The following ASAP1 variants were observed in gnomAD, a reference collection of about 807,000 sequenced individuals.
The protein encoded by ASAP1 is ArfGAP with SH3 domain, ankyrin repeat and PH domain 1, also known as arf-GAP with SH3 domain, ANK repeat and PH domain-containing protein 1.
A neutral mutation model predicts 145.2 loss-of-function variants in ASAP1; 43 were observed. The observed-to-expected ratio is 0.30, with a 90% CI of 0.23 to 0.38. The LOEUF (loss-of-function observed/expected upper bound fraction) is 0.38. ASAP1 is among the 10% of genes least tolerant of loss of function. The probability of loss-of-function intolerance (pLI) is 1.00; values close to 1 mark genes in which losing one functional copy is unlikely to be tolerated. For missense variants in ASAP1, 1,018 were observed against 1,355.3 expected (o/e 0.75, Z 3.91); for synonymous variants, 546 against 515.5 (o/e 1.06, Z -0.80).
intron 1 of ASAP1, among the ~76,000 whole-genome samples, chr8:130,437,531 C>T (rs1467430440): frequency 6.6e-6 from 1 of 152,210 alleles, no homozygotes; most frequent in Non-Finnish European, 1.5e-5. Flanking sequence ...TCCTGCATCC[C>T]CCAAGGTCTC....
chr8:130,113,563 C>T (rs2097550007), intron 23 of ASAP1, among the ~76,000 whole-genome samples: 3 of 152,150 alleles, frequency 2.0e-5, no homozygotes. Context: ...TACATCCTGC[C>T]TGTGATACAG....
rs1826557600 is a variant in ASAP1, at chr8:130,358,985, T to C, written c.60-842A>G. Among the ~76,000 whole-genome samples, 1 of 152,034 alleles carries C rather than the reference T, an allele frequency of 6.6e-6. No individual in the cohort carries two copies. Among genetic ancestry groups the C allele is most frequent in the Non-Finnish European group, 1.5e-5 (1 of 67,972 alleles). The stretch of plus-strand genomic sequence containing the variant: ...GAAGTGAGGCCCCGGGAGAGCCGCC[T>C]TCTACTGCGAGGGCCGCCGACCCCG... On this transcript the variant is annotated intron_variant, in intron 2 of 29. Transcript: ENST00000518721. This position sits in a 1 kb window ranked among gnomAD's most constrained non-coding sequence, Gnocchi z 4.1.
chr8:130,384,370 T>C (rs1268396133), intron 2 of ASAP1, among the ~76,000 whole-genome samples: 2 of 152,204 alleles, frequency 1.3e-5, no homozygotes, highest in Non-Finnish European at 2.9e-5. Flanking sequence ...CAAGCATCCA[T>C]TCTGTGTTAG....
chr8:130,119,271 A>G (rs2097561618), intron 18 of ASAP1, among the ~76,000 whole-genome samples: 1 of 152,110 alleles, frequency 6.6e-6, no homozygotes, highest in African/African-American at 2.4e-5. Flanking sequence ...ATAGGTGAGG[A>G]AACTAAGGCT....
At chr8:130,193,501 G>C (rs1336244238) in intron 5 of ASAP1, among the ~76,000 whole-genome samples, 1 of 152,180 alleles carries the variant, frequency 6.6e-6, no homozygotes, top group African/African-American at 2.4e-5. Context: ...CAAAGAAATA[G>C]GGTGGGAGAG....
chr8:130,118,800 T>C (rs1002812561), intron 18 of ASAP1, 125 bp from the exon 19 acceptor site: 1 of 670,164 alleles, frequency 1.5e-6, no homozygotes, highest in East Asian at 3.1e-5. Flanking sequence ...ACCATTCAAA[T>C]AAACCAGGTT....
intron 3 of ASAP1, among the ~76,000 whole-genome samples, chr8:130,286,710 TG>T (rs1165462487): frequency 1.3e-5 from 2 of 152,134 alleles, no homozygotes; most frequent in African/African-American, 4.8e-5. Context: ...ACACCAGGAC[TG>T]GGGAAAATGA....
chr8:130,205,871 A>C (rs1357919567), intron 5 of ASAP1, among the ~76,000 whole-genome samples: 2 of 151,996 alleles, frequency 1.3e-5, no homozygotes, highest in African/African-American at 4.8e-5. Flanking sequence ...AACAAATCTA[A>C]CCCCAAGGAT....
chr8:130,388,737 C>T lies in ASAP1; in HGVS notation c.59+13148G>A, dbSNP rs969679238. Among the ~76,000 whole-genome samples, 6 of 152,054 alleles carry T rather than the reference C, an allele frequency of 3.9e-5. No homozygotes were observed. In the East Asian group the frequency reaches 9.7e-4, roughly 24 times the overall value. Reference sequence around the variant, plus strand: ...GAGTGATCAACTGGGTCAGATGATTCGCAGAAGCTGAGTTGACTTACAGAT... The same window carrying T: ...GAGTGATCAACTGGGTCAGATGATTTGCAGAAGCTGAGTTGACTTACAGAT... On this transcript the variant is annotated intron_variant, in intron 2 of 29. Transcript: ENST00000518721.
At chr8:130,128,649 A>T (rs956614342) in intron 15 of ASAP1, among the ~76,000 whole-genome samples, 1 of 152,236 alleles carries the variant, frequency 6.6e-6, no homozygotes, top group Non-Finnish European at 1.5e-5. Context: ...AAACATGATG[A>T]CATTTATAAT....
intron 29 of ASAP1, among the ~76,000 whole-genome samples, chr8:130,056,940 T>C (rs2097405554): frequency 6.6e-6 from 1 of 152,220 alleles, no homozygotes; most frequent in Non-Finnish European, 1.5e-5. Flanking sequence ...AACCAATAGA[T>C]GTGTGGACTG....
At chr8:130,281,805 G>T (rs1463483431) in intron 3 of ASAP1, among the ~76,000 whole-genome samples, 1 of 152,140 alleles carries the variant, frequency 6.6e-6, no homozygotes, top group East Asian at 1.9e-4. Context: ...GGTGGCTCAC[G>T]CCTGTAATCC....
chr8:130,052,962 C>G lies in ASAP1; in HGVS notation c.*1769G>C, dbSNP rs1488328996. The G allele has an allele frequency of 2.0e-5, 3 of 152,132 alleles. No individual in the cohort carries two copies. Among genetic ancestry groups the G allele is most frequent in the Non-Finnish European group, 4.4e-5 (3 of 68,016 alleles). 9.4% of individuals were successfully genotyped at this position (152,132 alleles called of 1,614,324 possible). A position where few individuals can be genotyped will look rare whatever the true frequency, so the allele number is the denominator to read the frequency against. On this transcript the variant is annotated 3_prime_UTR_variant, in exon 30 of 30. Coordinates refer to ENST00000518721, the MANE Select transcript of ASAP1 (RefSeq NM_018482.4). ...AGCATGTCAACTGGTTCCTCATGCT[C>G]TGTTTGGTGTGGAAATTCACATGTG...
At chr8:130,118,092 G>T in intron 20 of ASAP1, 69 bp downstream of exon 20, 1 of 1,349,226 alleles carries the variant, frequency 7.4e-7, no homozygotes, top group Non-Finnish European at 1.0e-6. Context: ...CTAGGCCACT[G>T]ATAGGACTGG....
chr8:130,196,091 G>A (rs1030486958), intron 5 of ASAP1, among the ~76,000 whole-genome samples: 1 of 152,148 alleles, frequency 6.6e-6, no homozygotes, highest in Non-Finnish European at 1.5e-5. Context: ...CCTGTAATCC[G>A]AGCACGCTGG....
chr8:130,068,284 G>C (rs1217916881), intron 27 of ASAP1, among the ~76,000 whole-genome samples: 1 of 152,184 alleles, frequency 6.6e-6, no homozygotes, highest in East Asian at 1.9e-4. Context: ...GCTCAGATGT[G>C]GGTCTGCCTG....
chr8:130,438,685 G>C (rs911032025), intron 1 of ASAP1, among the ~76,000 whole-genome samples: 4 of 152,122 alleles, frequency 2.6e-5, no homozygotes, highest in African/African-American at 9.7e-5. Flanking sequence ...GGTTGAAAGT[G>C]AACAATCGGG....
At chr8:130,165,449 C>T (rs7833272) in intron 11 of ASAP1, among the ~76,000 whole-genome samples, 3,150 of 152,300 alleles carry the variant, frequency 0.021, 47 homozygotes, top group East Asian at 0.053. Context: ...ACTGAGAAAT[C>T]ATTCAAAGAG....
rs146996598 is a variant in ASAP1 at position 130,376,510 on chromosome 8, G to C, written c.60-18367C>G. Among the ~76,000 whole-genome samples the C allele has an allele frequency of 7.4e-3, 1,123 of 152,278 alleles. 14 individuals carry two copies. Among genetic ancestry groups the C allele is most frequent in the African/African-American group, 0.026 (1,089 of 41,548 alleles). ...TGGGAGGCCGAGGTGGGTGGATCATGAGGTCAGGAGTGCCAGACCAGCCTG... is the reference window on the plus strand; with the variant it reads ...TGGGAGGCCGAGGTGGGTGGATCATCAGGTCAGGAGTGCCAGACCAGCCTG... On this transcript the variant is annotated intron_variant, in intron 2 of 29. Coordinates refer to ENST00000518721, the MANE Select transcript of ASAP1 (RefSeq NM_018482.4).
Sources: gnomAD v4.1 joint callset for allele counts (sites outside exome capture counted in the v4.1 genomes callset) on GRCh38, gnomAD v4.1.1 for gene constraint, Gnocchi (gnomAD v3.1) non-coding constraint, MANE v1.5 for transcripts, NCBI Gene and HGNC (gene_info 2026-07-23, HGNC 2026-07-21) for gene names.